The following SGCZ variants were observed in gnomAD, a reference collection of about 807,000 sequenced individuals.
SGCZ encodes sarcoglycan zeta, also known as zeta-sarcoglycan.
Under a neutral mutation model 41.3 loss-of-function variants are expected in SGCZ, and 40 were observed. The observed-to-expected ratio is 0.97, with a 90% CI of 0.75 to 1.26. SGCZ has a LOEUF of 1.26. Among genes scored for constraint, SGCZ ranks in the 50% most tolerant of loss-of-function variants. The probability of loss-of-function intolerance (pLI) is 0.00; values close to 1 mark genes in which losing one functional copy is unlikely to be tolerated. For synonymous variants in SGCZ, 206 were observed against 137.5 expected (o/e 1.50, Z -3.49); for missense variants, 552 against 369.8 (o/e 1.49, Z -4.04).
At chr8:14,850,787 G>A (rs559387899) in intron 1 of SGCZ, among the ~76,000 whole-genome samples, 1 of 152,238 alleles carries the variant, frequency 6.6e-6, no homozygotes, top group African/African-American at 2.4e-5. Flanking sequence ...TAGTGAGTGA[G>A]TTCTCAGGAC....
At chr8:14,386,900 T>C (rs573202130) in intron 2 of SGCZ, among the ~76,000 whole-genome samples, 62 of 152,336 alleles carry the variant, frequency 4.1e-4, no homozygotes, top group Non-Finnish European at 7.5e-4. Context: ...TTGATGAATC[T>C]TGTATTTTGA....
chr8:14,758,235 C>T (rs1158617171), intron 1 of SGCZ, among the ~76,000 whole-genome samples: 1 of 152,184 alleles, frequency 6.6e-6, no homozygotes, highest in African/African-American at 2.4e-5. Context: ...GAATTCACAT[C>T]AAGATCTTCT....
At chr8:14,571,037 A>G (rs1454756212) in intron 1 of SGCZ, among the ~76,000 whole-genome samples, 1 of 152,188 alleles carries the variant, frequency 6.6e-6, no homozygotes. Flanking sequence ...GCACTGCTAT[A>G]AAGAACACCT....
At chr8:15,076,158 G>C (rs1805522788) in intron 1 of SGCZ, among the ~76,000 whole-genome samples, 1 of 152,110 alleles carries the variant, frequency 6.6e-6, no homozygotes, top group Admixed American at 6.6e-5. Flanking sequence ...TGAAGATATT[G>C]TGAGCCATTT....
At chr8:14,418,014 T>C (rs1344993590) in intron 2 of SGCZ, among the ~76,000 whole-genome samples, 1 of 151,842 alleles carries the variant, frequency 6.6e-6, no homozygotes, top group Non-Finnish European at 1.5e-5. Flanking sequence ...AAAGGAGTCC[T>C]GATCCTTTTG....
chr8:14,934,719 A>G (rs1800028801), intron 1 of SGCZ, among the ~76,000 whole-genome samples: 2 of 151,756 alleles, frequency 1.3e-5, no homozygotes, highest in Admixed American at 6.5e-5. Flanking sequence ...GATGAAAGAT[A>G]TAAATTTTTA....
intron 5 of SGCZ, among the ~76,000 whole-genome samples, chr8:14,112,296 C>A (rs1321033709): frequency 5.9e-5 from 8 of 136,228 alleles, no homozygotes; most frequent in African/African-American, 8.5e-5. Context: ...GGGGGGGGTG[C>A]AAAGAAGGGA....
intron 1 of SGCZ, among the ~76,000 whole-genome samples, chr8:14,683,649 T>C (rs933359258): frequency 2.0e-5 from 3 of 152,134 alleles, no homozygotes; most frequent in African/African-American, 7.2e-5. Flanking sequence ...ACTTGGAAAT[T>C]AATTTTACAT....
chr8:14,146,092 T>G (rs1464687899), intron 5 of SGCZ, among the ~76,000 whole-genome samples: 2 of 151,980 alleles, frequency 1.3e-5, no homozygotes, highest in African/African-American at 4.8e-5. Flanking sequence ...TACAAGAAGG[T>G]TATACAACAC....
intron 1 of SGCZ, among the ~76,000 whole-genome samples, chr8:14,739,772 A>T (rs374628511): frequency 4.4e-4 from 67 of 152,178 alleles, no homozygotes; most frequent in African/African-American, 1.5e-3. Context: ...GGGAAAGGAC[A>T]CTTTCTAATG....
chr8:15,231,699 G>C (rs1801946622), intron 1 of SGCZ, among the ~76,000 whole-genome samples: 1 of 133,054 alleles, frequency 7.5e-6, no homozygotes, highest in Non-Finnish European at 1.5e-5. Flanking sequence ...TCAGCTCACT[G>C]CAACCTCCGC....
chr8:14,791,189 A>C (rs1354318118), intron 1 of SGCZ, among the ~76,000 whole-genome samples: 1 of 152,112 alleles, frequency 6.6e-6, no homozygotes, highest in Non-Finnish European at 1.5e-5. Flanking sequence ...TAGAAAAATA[A>C]TTATTTTTCC....
chr8:14,767,749 A>G (rs1055728830), intron 1 of SGCZ, among the ~76,000 whole-genome samples: 4 of 152,198 alleles, frequency 2.6e-5, no homozygotes, highest in African/African-American at 9.6e-5. Flanking sequence ...ACCATAGGCT[A>G]TTTCTGAGAC....
At chr8:14,247,398 A>G (rs190091450) in intron 3 of SGCZ, among the ~76,000 whole-genome samples, 21 of 152,244 alleles carry the variant, frequency 1.4e-4, no homozygotes, top group Admixed American at 3.9e-4. Context: ...TGCAGGGAGC[A>G]GTTTTACACA....
At chr8:14,690,660 A>C (rs947593437) in intron 1 of SGCZ, 1 of 152,190 alleles carries the variant, frequency 6.6e-6, no homozygotes, top group African/African-American at 2.4e-5. Context: ...TGCAATGCCT[A>C]GTTTTTTCTA....
chr8:15,072,874 C>A (rs1256663124), intron 1 of SGCZ, among the ~76,000 whole-genome samples: 1 of 152,182 alleles, frequency 6.6e-6, no homozygotes, highest in Non-Finnish European at 1.5e-5. Context: ...ACATACGACT[C>A]TTAGAAGGAT....
At chr8:15,122,938 A>G (rs1025659728) in intron 1 of SGCZ, among the ~76,000 whole-genome samples, 8 of 152,218 alleles carry the variant, frequency 5.3e-5, no homozygotes, top group African/African-American at 1.9e-4. Context: ...ATTTGGAAAC[A>G]CTGAGCTTTC....
intron 1 of SGCZ, among the ~76,000 whole-genome samples, chr8:14,822,110 G>A (rs1802115918): frequency 8.1e-6 from 1 of 124,028 alleles, no homozygotes; most frequent in African/African-American, 3.7e-5. Context: ...ACACACACAC[G>A]GTTAGAACTA....
chr8:14,390,419 T>C (rs1014899314), intron 2 of SGCZ, among the ~76,000 whole-genome samples: 1 of 151,846 alleles, frequency 6.6e-6, no homozygotes, highest in Non-Finnish European at 1.5e-5. Context: ...AGAGCACTAA[T>C]GGTGACAAAT....
Sources: allele counts gnomAD v4.1 joint callset (sites outside exome capture counted in the v4.1 genomes callset), GRCh38; gene constraint gnomAD v4.1.1; transcripts MANE v1.5; gene names NCBI Gene and HGNC (gene_info 2026-07-23, HGNC 2026-07-21).